The following PTPRT variants were observed in gnomAD, a reference collection of about 807,000 sequenced individuals.
PTPRT encodes the protein protein tyrosine phosphatase receptor type T.
In PTPRT, 56 loss-of-function variants were observed where a neutral mutation model predicts 176.8. The ratio of observed to expected loss-of-function variants is 0.32; its 90% CI spans 0.26 to 0.40. The LOEUF (loss-of-function observed/expected upper bound fraction) is 0.40. Ranked by LOEUF, PTPRT falls within the 10% of genes least tolerant of loss-of-function variation. PTPRT has a pLI of 1.00. For missense variants in PTPRT, 1,540 were observed against 1,908.2 expected (o/e 0.81, Z 3.60); for synonymous variants, 783 against 739.0 (o/e 1.06, Z -0.96).
At chr20:42,614,289 C>T (rs1273523575) in intron 7 of PTPRT, among the ~76,000 whole-genome samples, 4 of 152,182 alleles carry the variant, frequency 2.6e-5, no homozygotes, top group African/African-American at 4.8e-5. Flanking sequence ...CCCCAACACA[C>T]ACACCTAATG....
chr20:43,074,034 G>A (rs530787914), intron 1 of PTPRT, among the ~76,000 whole-genome samples: 106 of 152,210 alleles, frequency 7.0e-4, no homozygotes, highest in Non-Finnish European at 1.1e-3. Flanking sequence ...GATTACAACT[G>A]TGAGCCACCA....
intron 7 of PTPRT, among the ~76,000 whole-genome samples, chr20:42,511,915 T>C (rs948614313): frequency 2.0e-5 from 3 of 152,042 alleles, no homozygotes; most frequent in Non-Finnish European, 4.4e-5. Flanking sequence ...AGTGTGTACA[T>C]TATCATTCAA....
At chr20:42,402,812 GT>G (rs2058922119) in intron 9 of PTPRT, among the ~76,000 whole-genome samples, 1 of 151,472 alleles carries the variant, frequency 6.6e-6, no homozygotes. Context: ...TGGTTTGGGG[GT>G]GTGTGTGTGT....
intron 1 of PTPRT, among the ~76,000 whole-genome samples, chr20:43,065,208 C>T (rs888059530): frequency 4.6e-5 from 7 of 152,160 alleles, no homozygotes; most frequent in Non-Finnish European, 7.3e-5. Flanking sequence ...AAACAATGAA[C>T]GTTTTCTCTG....
intron 1 of PTPRT, among the ~76,000 whole-genome samples, chr20:43,110,390 G>C (rs989896769): frequency 6.6e-6 from 1 of 152,198 alleles, no homozygotes; most frequent in Admixed American, 6.5e-5. Context: ...ATGGGATTTG[G>C]TAGAGACAAA....
chr20:42,319,657 C>T (rs946283536), intron 11 of PTPRT, among the ~76,000 whole-genome samples: 5 of 152,210 alleles, frequency 3.3e-5, no homozygotes, highest in Admixed American at 6.5e-5. Flanking sequence ...AGAAACAGCA[C>T]TCACAAGTTG....
Position 42,472,425 on chromosome 20 carries a change from T to C in PTPRT, c.1291A>G (p.Asn431Asp). Reference sequence around the variant, plus strand: ...TCCTCGGCCTCGTACTGCTGCTGGTTGAACACATACTGGTACTGCACGGTG... The same window carrying C: ...TCCTCGGCCTCGTACTGCTGCTGGTCGAACACATACTGGTACTGCACGGTG... ...NLTVQYQYVF[N>D]QQQYEAEEVI... Residue 431 changes from asparagine to aspartate, a missense_variant, in exon 8 of 31, where the codon AAC (asparagine) becomes GAC (aspartate). Physicochemically the swap from Asn to Asp is conservative, Grantham distance 23. Transcript: ENST00000373187. The C allele has an allele frequency of 6.2e-7, 1 of 1,614,240 alleles. No individual in the cohort carries two copies. Among genetic ancestry groups the C allele is most frequent in the Non-Finnish European group, 8.5e-7 (1 of 1,180,036 alleles).
chr20:42,681,900 A>G (rs2425517), intron 6 of PTPRT, among the ~76,000 whole-genome samples: 6,242 of 152,292 alleles, frequency 0.041, 462 homozygotes, highest in African/African-American at 0.14. Flanking sequence ...AACATGAGTA[A>G]ATCTCAAAAA....
At chr20:42,935,708 G>C (rs181844877) in intron 1 of PTPRT, among the ~76,000 whole-genome samples, 2 of 151,478 alleles carry the variant, frequency 1.3e-5, no homozygotes, top group East Asian at 3.9e-4. Context: ...CGTCTAGTCC[G>C]GTCTAGTCTA....
In PTPRT at chr20:42,106,925, G is replaced by T. The variant is rs772048989; in HGVS notation, c.3255-4C>A. 3.7e-6 allele frequency: 6 copies of T among 1,613,844 alleles called. No individual in the cohort carries two copies. Among genetic ancestry groups the T allele is most frequent in the Non-Finnish European group, 5.1e-6 (6 of 1,179,920 alleles). On this transcript the variant is annotated splice_polypyrimidine_tract_variant and splice_region_variant and intron_variant, in intron 23 of 30. Transcript: ENST00000373187. ...GCCAGTCCGCCCAGCCCCAGCACTGGAAGAGAGGTATGGTCTGTGTTAAGG... is the reference window on the plus strand; with the variant it reads ...GCCAGTCCGCCCAGCCCCAGCACTGTAAGAGAGGTATGGTCTGTGTTAAGG...
intron 9 of PTPRT, among the ~76,000 whole-genome samples, chr20:42,380,707 A>G (rs560520417): frequency 6.6e-6 from 1 of 152,256 alleles, no homozygotes; most frequent in Non-Finnish European, 1.5e-5. Flanking sequence ...TTGTTCTCCC[A>G]TTGGACTCTG....
intron 9 of PTPRT, among the ~76,000 whole-genome samples, chr20:42,433,178 T>C (rs1044940126): frequency 1.3e-5 from 2 of 152,266 alleles, no homozygotes; most frequent in African/African-American, 4.8e-5. Context: ...CACCATCTGC[T>C]TTATCTTCTT....
chr20:42,247,925 T>C (rs2056482765), intron 14 of PTPRT, among the ~76,000 whole-genome samples: 1 of 152,238 alleles, frequency 6.6e-6, no homozygotes, highest in Admixed American at 6.5e-5. Context: ...CTCTGTAATT[T>C]CCTTGTGTTA....
At chr20:42,402,310 G>A (rs1470381826) in intron 9 of PTPRT, among the ~76,000 whole-genome samples, 1 of 151,886 alleles carries the variant, frequency 6.6e-6, no homozygotes, top group African/African-American at 2.4e-5. Context: ...GTGGGTTTCT[G>A]TTATTTGTAA....
intron 13 of PTPRT, among the ~76,000 whole-genome samples, chr20:42,264,851 T>G (rs1388009749): frequency 1.3e-5 from 2 of 152,232 alleles, no homozygotes; most frequent in Non-Finnish European, 2.9e-5. Context: ...GAGGCCCTGA[T>G]GGGCTCTTAC....
rs2073417807 is a variant in PTPRT at position 42,583,619 on chromosome 20, C to T, written c.1153+94247G>A. Among the ~76,000 whole-genome samples the T allele has an allele frequency of 2.0e-5, 3 of 152,158 alleles. No individual in the cohort carries two copies. In the South Asian group the frequency reaches 6.2e-4, roughly 32 times the overall value. On this transcript the variant is annotated intron_variant, in intron 7 of 30. Coordinates refer to ENST00000373187, the MANE Select transcript of PTPRT (RefSeq NM_007050.6). ...AAACATGCACTCCCCCACACACACA[C>T]ATACATGGACACACACAGAGGCATA...
At chr20:42,971,904 A>G (rs1982661689) in intron 1 of PTPRT, among the ~76,000 whole-genome samples, 1 of 152,072 alleles carries the variant, frequency 6.6e-6, no homozygotes, top group Non-Finnish European at 1.5e-5. Flanking sequence ...TATAGCCTTG[A>G]ACAGACAGAC....
At chr20:42,628,273 G>A (rs967314128) in intron 7 of PTPRT, among the ~76,000 whole-genome samples, 5 of 152,162 alleles carry the variant, frequency 3.3e-5, no homozygotes, top group African/African-American at 4.8e-5. Flanking sequence ...GTGGGACAGG[G>A]GAGATGACAG....
chr20:42,964,569 CT>C (rs1982189574), intron 1 of PTPRT, among the ~76,000 whole-genome samples: 1 of 152,088 alleles, frequency 6.6e-6, no homozygotes. Flanking sequence ...TAATACAACT[CT>C]CTTTAAGTCC....
Sources: gnomAD v4.1 joint callset for allele counts (sites outside exome capture counted in the v4.1 genomes callset) on GRCh38, gnomAD v4.1.1 for gene constraint, MANE v1.5 for transcripts, NCBI Gene and HGNC (gene_info 2026-07-23, HGNC 2026-07-21) for gene names.